SEMA6D: variants seen among roughly 807,000 people sequenced by gnomAD.
SEMA6D encodes semaphorin-6D.
SEMA6D carries 35 observed loss-of-function variants against 106.6 expected under a neutral mutation model. The ratio of observed to expected loss-of-function variants is 0.33; its 90% confidence interval spans 0.25 to 0.44. The LOEUF is 0.44. Among genes scored for constraint, SEMA6D ranks in the 20% least tolerant of loss-of-function variants. The pLI is 1.00. For synonymous variants in SEMA6D, 499 were observed against 487.7 expected (o/e 1.02, Z -0.31); for missense variants, 1,185 against 1,345.9 (o/e 0.88, Z 1.87).
chr15:47,207,987 GCGCGCGCACA>G (rs1266250641), intron 1 of SEMA6D, among the ~76,000 whole-genome samples: 1 of 63,406 alleles, frequency 1.6e-5, no homozygotes, highest in Non-Finnish European at 3.1e-5. Context: ...AGCCACTGGC[GCGCGCGCACA>G]CACACACACA....
intron 4 of SEMA6D, among the ~76,000 whole-genome samples, chr15:47,693,074 T>G (rs2078623753): frequency 6.6e-6 from 1 of 152,104 alleles, no homozygotes; most frequent in Admixed American, 6.5e-5. Flanking sequence ...TACTTCAGAG[T>G]GTGACCTTAT....
At chr15:47,655,188 T>A (rs1004610232) in intron 4 of SEMA6D, among the ~76,000 whole-genome samples, 1 of 152,258 alleles carries the variant, frequency 6.6e-6, no homozygotes, top group Non-Finnish European at 1.5e-5. Context: ...TTCTACATCC[T>A]GCAATTCAAT....
intron 1 of SEMA6D, among the ~76,000 whole-genome samples, chr15:47,205,127 G>A (rs1445189619): frequency 6.6e-6 from 1 of 152,118 alleles, no homozygotes; most frequent in Admixed American, 6.5e-5. Context: ...AATCTGAGTT[G>A]CAATTTAAAA....
At chr15:47,713,850 G>A (rs1490771165), upstream of SEMA6D, among the ~76,000 whole-genome samples, 1 of 152,154 alleles carries the variant, frequency 6.6e-6, no homozygotes, top group Non-Finnish European at 1.5e-5. Context: ...TGTGTAGCAT[G>A]GACTTTTGCC....
At chr15:47,680,717 T>C (rs540298931) in intron 4 of SEMA6D, among the ~76,000 whole-genome samples, 26 of 152,318 alleles carry the variant, frequency 1.7e-4, no homozygotes, top group African/African-American at 6.3e-4. Flanking sequence ...ATCCAAAATA[T>C]ATAAGGAACT....
rs151294068 is a variant in SEMA6D at position 47,771,454 on chromosome 15, A to G, written c.2891A>G (p.Tyr964Cys). ...ACTTCTCTGGAAAGACAAAGAGGTT[A>G]TCACAAAAATTCCTCCCAGAGGCAC... Reference protein sequence around the residue: ...PMTSLERQRGYHKNSSQRHSI... With the variant: ...PMTSLERQRGCHKNSSQRHSI... The change falls in exon 19 of 19, where the codon TAT becomes TGT. Residue 964 changes from tyrosine to cysteine, a missense_variant. Coordinates refer to ENST00000536845, the MANE Select transcript of SEMA6D (RefSeq NM_001358351.3). 1.5e-5 allele frequency: 25 copies of G among 1,614,136 alleles called. No homozygotes were observed. In the African/African-American group the frequency reaches 3.2e-4, roughly 21 times the overall value.
In SEMA6D at chr15:47,409,858, A is replaced by G. The variant is rs911248175; in HGVS notation, c.-238-2535A>G. Among the ~76,000 whole-genome samples, 10 of 149,720 alleles carry G rather than the reference A, an allele frequency of 6.7e-5. No homozygotes were observed. The East Asian group carries it at 2.1e-3, about 31-fold the overall frequency. ...AAGGGATGGGAGGAGCAAATGCATC[A>G]CAAGTAAATTCATAAAATTTGCAAA... On this transcript the variant is annotated intron_variant, in intron 1 of 19. Transcript: ENST00000558014.
intron 1 of SEMA6D, among the ~76,000 whole-genome samples, chr15:47,262,321 C>G (rs2034113775): frequency 6.6e-6 from 1 of 152,110 alleles, no homozygotes; most frequent in Non-Finnish European, 1.5e-5. Context: ...TGTTCTCACA[C>G]TGCTATGAAG....
intron 4 of SEMA6D, among the ~76,000 whole-genome samples, chr15:47,649,228 T>C (rs2077637932): frequency 6.6e-6 from 1 of 152,044 alleles, no homozygotes; most frequent in African/African-American, 2.4e-5. Context: ...AATAGAAGCA[T>C]TGAGCCAGAT....
At chr15:47,422,180 G>GCCTGCCTTCCTT (rs1455030787) in intron 2 of SEMA6D, among the ~76,000 whole-genome samples, 4,386 of 112,814 alleles carry the variant, frequency 0.039, 148 homozygotes, top group East Asian at 0.12. Context: ...CCGCCTGCCT[G>GCCTGCCTTCCTT]CCTTCCTTCC....
chr15:47,313,228 C>G (rs1352855603), intron 1 of SEMA6D, among the ~76,000 whole-genome samples: 1 of 152,182 alleles, frequency 6.6e-6, no homozygotes, highest in Non-Finnish European at 1.5e-5. Context: ...TAGTGTCATA[C>G]AGGGTATTTT....
intron 4 of SEMA6D, among the ~76,000 whole-genome samples, chr15:47,711,850 A>G (rs77165828): frequency 0.021 from 3,272 of 152,274 alleles, 101 homozygotes; most frequent in African/African-American, 0.075. Context: ...CTTTTCCTTA[A>G]CCAGTAGGTG....
intron 1 of SEMA6D, among the ~76,000 whole-genome samples, chr15:47,227,762 T>G (rs2031841356): frequency 1.3e-5 from 2 of 150,356 alleles, no homozygotes; most frequent in South Asian, 4.2e-4. Context: ...GCAACCTTCT[T>G]TTCTACTATA....
At chr15:47,271,728 C>G (rs2034570154) in intron 1 of SEMA6D, among the ~76,000 whole-genome samples, 2 of 151,920 alleles carry the variant, frequency 1.3e-5, no homozygotes, top group African/African-American at 4.8e-5. Flanking sequence ...TATGGCAGAA[C>G]TGAAAAAGAG....
chr15:47,302,988 C>G (rs926383625), intron 1 of SEMA6D, among the ~76,000 whole-genome samples: 1 of 152,146 alleles, frequency 6.6e-6, no homozygotes, highest in Non-Finnish European at 1.5e-5. Context: ...GAATTCATGG[C>G]GAGGACACAC....
intron 1 of SEMA6D, among the ~76,000 whole-genome samples, chr15:47,332,893 C>T (rs548176485): frequency 4.2e-4 from 64 of 152,106 alleles, no homozygotes; most frequent in African/African-American, 1.3e-3. Context: ...CAGCCACAGG[C>T]GCAAGTAGAC....
chr15:47,476,360 A>G (rs1393397876), intron 3 of SEMA6D, among the ~76,000 whole-genome samples: 1 of 152,200 alleles, frequency 6.6e-6, no homozygotes, highest in Non-Finnish European at 1.5e-5. Context: ...CTTTTATTTA[A>G]TAAAAGGAGA....
At chr15:47,367,690 GCGCACACA>G (rs1279051320) in intron 1 of SEMA6D, among the ~76,000 whole-genome samples, 17 of 43,612 alleles carry the variant, frequency 3.9e-4, no homozygotes, top group East Asian at 3.0e-3. Context: ...GCGCGCGCGC[GCGCACACA>G]CACACACACA....
At chr15:47,228,649 C>T (rs2031980570) in intron 1 of SEMA6D, among the ~76,000 whole-genome samples, 1 of 151,846 alleles carries the variant, frequency 6.6e-6, no homozygotes, top group African/African-American at 2.4e-5. Flanking sequence ...TAATTGTCAC[C>T]CTGGAAGGCT....
Sources: allele counts gnomAD v4.1 joint callset (sites outside exome capture counted in the v4.1 genomes callset), GRCh38; gene constraint gnomAD v4.1.1; transcripts MANE v1.5; gene names NCBI Gene and HGNC (gene_info 2026-07-23, HGNC 2026-07-21).